CEBPZOS: variants seen among roughly 807,000 people sequenced by gnomAD.
CEBPZOS encodes CEBPZ opposite strand.
Under a neutral mutation model 4.8 loss-of-function variants are expected in CEBPZOS, and 10 were observed. The ratio of observed to expected loss-of-function variants is 2.07; its 90% CI spans 1.28 to 3.52. CEBPZOS has a LOEUF of 3.52. Ranked by LOEUF, CEBPZOS falls within the 30% of genes most tolerant of loss-of-function variation. The pLI is 0.00. For missense variants in CEBPZOS, 98 were observed against 43.6 expected (o/e 2.25, Z -3.51); for synonymous variants, 25 against 14.2 (o/e 1.77, Z -1.72).
At chr2:37,197,993 C>G (rs1318955389) in intron 1 of CEBPZOS, among the ~76,000 whole-genome samples, 2 of 152,028 alleles carry the variant, frequency 1.3e-5, no homozygotes, top group Non-Finnish European at 2.9e-5. Context: ...AAATCCGTCT[C>G]TACTAAAATA....
At position 37,203,048 on chromosome 2, in the gene CEBPZOS, CTAATG is replaced by C; in HGVS notation, c.*1189_*1193del. ...AAGTCTACATTATTCAATTATAAAT[CTAATG>C]ATTTTAGAAAAATGCAATGCAACAT... On this transcript the variant is annotated 3_prime_UTR_variant, in exon 5 of 5. Transcript: ENST00000402297. The C allele has an allele frequency of 7.5e-7, 1 of 1,337,046 alleles. No individual in the cohort carries two copies. Among genetic ancestry groups the C allele is most frequent in the Non-Finnish European group, 1.0e-6 (1 of 981,846 alleles). 82.8% of individuals were successfully genotyped at this position (1,337,046 alleles called of 1,614,324 possible).
intron 1 of CEBPZOS, among the ~76,000 whole-genome samples, chr2:37,197,075 C>G (rs1010970998): frequency 1.3e-5 from 2 of 152,186 alleles, no homozygotes; most frequent in South Asian, 2.1e-4. Flanking sequence ...GTCTCAGCCC[C>G]GTGTGATGTT....
downstream of CEBPZOS, among the ~76,000 whole-genome samples, chr2:37,206,132 A>G (rs78219559): frequency 0.023 from 3,454 of 152,298 alleles, 63 homozygotes; most frequent in Middle Eastern, 0.054. Flanking sequence ...AAAGAGGCAA[A>G]CATGTTGATC....
chr2:37,199,149 ATAGTT>A (rs1446340480), intron 1 of CEBPZOS, among the ~76,000 whole-genome samples: 1 of 150,104 alleles, frequency 6.7e-6, no homozygotes, highest in African/African-American at 2.4e-5. Context: ...TGTTGTATTA[ATAGTT>A]TAGTATATGT....
chr2:37,209,123 A>G (rs1677637341), downstream of CEBPZOS: 1 of 152,164 alleles, frequency 6.6e-6, no homozygotes, highest in Non-Finnish European at 1.5e-5. Flanking sequence ...GAAAACTACA[A>G]AACACTGCTG....
intron 2 of CEBPZOS, among the ~76,000 whole-genome samples, chr2:37,200,448 C>CA (rs2148322949): frequency 6.6e-6 from 1 of 152,142 alleles, no homozygotes; most frequent in African/African-American, 2.4e-5. Context: ...ACTGGATACT[C>CA]AAAAAATCCC....
intron 4 of CEBPZOS, chr2:37,212,451 T>C: frequency 1.5e-6 from 2 of 1,365,062 alleles, no homozygotes; most frequent in Non-Finnish European, 2.1e-6. Context: ...GACATATATC[T>C]TGTATCTGAA....
intron 4 of CEBPZOS, chr2:37,211,046 C>G: frequency 6.2e-7 from 1 of 1,612,228 alleles, no homozygotes; most frequent in Non-Finnish European, 8.5e-7. Context: ...TTTTCTCTTG[C>G]TTTTCTTAGT....
intron 4 of CEBPZOS, chr2:37,211,863 T>A: frequency 6.2e-7 from 1 of 1,603,000 alleles, no homozygotes; most frequent in Non-Finnish European, 8.5e-7. Flanking sequence ...CTCACTTTCA[T>A]CATCTAACAC....
downstream of CEBPZOS, among the ~76,000 whole-genome samples, chr2:37,207,789 GAA>G (rs768798508): frequency 1.3e-5 from 2 of 151,924 alleles, no homozygotes; most frequent in Non-Finnish European, 2.9e-5. Flanking sequence ...CAGAAGAAAA[GAA>G]ATAACAAATA....
intron 4 of CEBPZOS, chr2:37,210,727 A>G (rs904285966): frequency 6.2e-6 from 2 of 323,946 alleles, no homozygotes; most frequent in Middle Eastern, 9.5e-4. Context: ...GAACTTACCT[A>G]TGTAACCAAA....
In CEBPZOS at chr2:37,202,644, C is replaced by CAAAAAAAAAAAAAAAAAAAAA. The variant is rs56340587; in HGVS notation, c.*812_*832dup. On this transcript the variant is annotated 3_prime_UTR_variant, in exon 5 of 5. Transcript: ENST00000402297. ...TGGGCAAGGGAGTGAGACGCTGTCT[C>CAAAAAAAAAAAAAAAAAAAAA]AAAAAAAAAAAAAAAAAAAAAAAAA... is the stretch of plus-strand genomic sequence containing the variant. 3.1e-5 allele frequency: 6 copies of CAAAAAAAAAAAAAAAAAAAAA among 192,894 alleles called. 1 individual carries two copies. The highest frequency in any genetic ancestry group is 2.2e-4 in the African/African-American group (3 of 13,862). The allele number at this position is 192,894 out of a possible 1,614,324, so 11.9% of individuals were successfully genotyped here. A position where few individuals can be genotyped will look rare whatever the true frequency, so the allele number is the denominator to read the frequency against.
chr2:37,197,977 A>T (rs1677031429), intron 1 of CEBPZOS, among the ~76,000 whole-genome samples: 1 of 152,148 alleles, frequency 6.6e-6, no homozygotes, highest in Non-Finnish European at 1.5e-5. Flanking sequence ...CCTGGGCAAC[A>T]GGGTGAAATC....
At chr2:37,205,150 A>G (rs1677489877), downstream of CEBPZOS, among the ~76,000 whole-genome samples, 1 of 152,230 alleles carries the variant, frequency 6.6e-6, no homozygotes, top group Non-Finnish European at 1.5e-5. Flanking sequence ...TGACAGCAGT[A>G]TTTGAAAGAG....
At chr2:37,208,437 T>C (rs1677610722), downstream of CEBPZOS, among the ~76,000 whole-genome samples, 1 of 152,112 alleles carries the variant, frequency 6.6e-6, no homozygotes, top group African/African-American at 2.4e-5. Context: ...ATCAAAAAGA[T>C]AATACACCAT....
intron 1 of CEBPZOS, 38 bp downstream of exon 1, chr2:37,196,558 A>C (rs1275094414): frequency 6.6e-6 from 1 of 152,258 alleles, no homozygotes; most frequent in Non-Finnish European, 1.5e-5. Context: ...GGGCGGTCGG[A>C]TTTCGGGGTC....
chr2:37,211,244 GA>G, intron 4 of CEBPZOS: 2 of 443,140 alleles, frequency 4.5e-6, no homozygotes, highest in African/African-American at 2.0e-5. Context: ...GACAGACTGA[GA>G]AAAAGACTCT....
chr2:37,201,763 C>G, intron 4 of CEBPZOS, 37 bp downstream of exon 4: 1 of 1,370,626 alleles, frequency 7.3e-7, no homozygotes, highest in South Asian at 1.2e-5. Flanking sequence ...ACATTAATAA[C>G]TCATTTCCTT....
At position 37,201,081 on chromosome 2, in the gene CEBPZOS, T is replaced by C. The variant is rs1043046476; in HGVS notation, c.149T>C (p.Phe50Ser). The change falls in exon 3 of 5, where the codon TTC (phenylalanine) becomes TCC (serine). Residue 50 changes from phenylalanine (F) to serine (S), a missense_variant. Transcript: ENST00000402297. ...CAAACAATGAGCAAGAAATATCCCT[T>C]CATCTTGGAAGGTATGTTTTTCCTT... is the stretch of plus-strand genomic sequence containing the variant. The part of the protein sequence containing the change: ...FRQTMSKKYP[F>S]ILEVYYKSTE... 8 of 716,186 alleles carry C rather than the reference T, an allele frequency of 1.1e-5. No homozygotes were observed. The highest frequency in any genetic ancestry group is 3.5e-5 in the African/African-American group (2 of 57,238). The allele number at this position is 716,186 out of a possible 1,614,324, so 44.4% of individuals were successfully genotyped here. A position where few individuals can be genotyped will look rare whatever the true frequency, so the allele number is the denominator to read the frequency against.
Sources: allele counts gnomAD v4.1 joint callset (sites outside exome capture counted in the v4.1 genomes callset), GRCh38; gene constraint gnomAD v4.1.1; transcripts MANE v1.5; gene names NCBI Gene and HGNC (gene_info 2026-07-23, HGNC 2026-07-21).